Variants in PCDH7 observed in about 807,000 individuals in gnomAD.
The protein encoded by PCDH7 is protocadherin 7, also known as protocadherin-7.
Under a neutral mutation model 58.9 loss-of-function variants are expected in PCDH7, and 17 were observed. That is an observed-to-expected ratio of 0.29 (90% CI 0.20 to 0.43). PCDH7 has a LOEUF of 0.43. Ranked by LOEUF, PCDH7 falls within the 20% of genes least tolerant of loss-of-function variation. The probability of loss-of-function intolerance (pLI) is 1.00; values close to 1 mark genes in which losing one functional copy is unlikely to be tolerated. For synonymous variants in PCDH7, 664 were observed against 616.4 expected, an observed-to-expected ratio of 1.08 and a Z score of -1.14; for missense variants, 1,274 against 1,441.0, an observed-to-expected ratio of 0.88 and a Z score of 1.88.
At chr4:30,752,813 G>GA (rs1229976505) in intron 1 of PCDH7, among the ~76,000 whole-genome samples, 6 of 132,280 alleles carry the variant, frequency 4.5e-5, no homozygotes, top group Admixed American at 4.5e-4. Flanking sequence ...GAAAGAAAAA[G>GA]AAAAAAAAGA....
At chr4:30,877,029 C>G (rs1736376052) in intron 1 of PCDH7, among the ~76,000 whole-genome samples, 1 of 151,990 alleles carries the variant, frequency 6.6e-6, no homozygotes, top group African/African-American at 2.4e-5. Flanking sequence ...TTAATGCTTT[C>G]TTGTTTTCAA....
intron 1 of PCDH7, among the ~76,000 whole-genome samples, chr4:30,919,546 A>C (rs1742917052): frequency 6.6e-6 from 1 of 152,194 alleles, no homozygotes; most frequent in African/African-American, 2.4e-5. Flanking sequence ...GGATACTTTT[A>C]TCTATTATTG....
chr4:30,819,051 G>A (rs1728032769), intron 1 of PCDH7, among the ~76,000 whole-genome samples: 1 of 152,150 alleles, frequency 6.6e-6, no homozygotes, highest in Non-Finnish European at 1.5e-5. Flanking sequence ...TGAGACAGAG[G>A]TGGCTGACCT....
intron 3 of PCDH7, among the ~76,000 whole-genome samples, chr4:30,967,093 G>A (rs1260292463): frequency 6.6e-6 from 1 of 151,894 alleles, no homozygotes; most frequent in Non-Finnish European, 1.5e-5. Flanking sequence ...TATTTAAAGT[G>A]AAAATAATTT....
intron 3 of PCDH7, among the ~76,000 whole-genome samples, chr4:30,976,214 C>T (rs1003819399): frequency 6.6e-6 from 1 of 151,956 alleles, no homozygotes; most frequent in Admixed American, 6.6e-5. Context: ...AGTGCAATGG[C>T]GTGATCTCGG....
chr4:31,013,208 G>A (rs1339186235), intron 3 of PCDH7, among the ~76,000 whole-genome samples: 1 of 149,962 alleles, frequency 6.7e-6, no homozygotes, highest in African/African-American at 2.4e-5. Flanking sequence ...AAAAAGAGTG[G>A]AAACATTAAA....
chr4:30,861,167 A>C (rs1381915998), intron 1 of PCDH7, among the ~76,000 whole-genome samples: 1 of 152,060 alleles, frequency 6.6e-6, no homozygotes, highest in Non-Finnish European at 1.5e-5. Context: ...TATACACTAG[A>C]AGTACTGTTC....
At chr4:30,788,049 T>G (rs536852627) in intron 1 of PCDH7, among the ~76,000 whole-genome samples, 1 of 152,208 alleles carries the variant, frequency 6.6e-6, no homozygotes, top group South Asian at 2.1e-4. Flanking sequence ...GAAATTAGTC[T>G]GCAGACACTT....
chr4:31,003,240 C>T (rs1394133401), intron 3 of PCDH7, among the ~76,000 whole-genome samples: 2 of 152,088 alleles, frequency 1.3e-5, no homozygotes, highest in Non-Finnish European at 2.9e-5. Context: ...ATTCCATATT[C>T]ATTGTCATTA....
At chr4:30,759,998 C>T (rs182406026) in intron 1 of PCDH7, among the ~76,000 whole-genome samples, 2 of 152,206 alleles carry the variant, frequency 1.3e-5, no homozygotes, top group East Asian at 3.9e-4. Flanking sequence ...AATAGTGGCA[C>T]CTCCTCTCTA....
At chr4:30,846,373 C>T (rs752087929) in intron 1 of PCDH7, among the ~76,000 whole-genome samples, 2 of 152,102 alleles carry the variant, frequency 1.3e-5, no homozygotes, top group Admixed American at 6.6e-5. Context: ...CTTGCTCCCC[C>T]TCTCTTGTAC....
intron 3 of PCDH7, among the ~76,000 whole-genome samples, chr4:30,965,645 A>G (rs1295618348): frequency 2.0e-5 from 3 of 152,094 alleles, no homozygotes; most frequent in Admixed American, 2.0e-4. Context: ...CTTCCAGTGC[A>G]AATTAGGTTT....
At chr4:31,031,387 T>C (rs549419936) in intron 3 of PCDH7, among the ~76,000 whole-genome samples, 1 of 152,270 alleles carries the variant, frequency 6.6e-6, no homozygotes, top group East Asian at 1.9e-4. Flanking sequence ...ATACTGTCGA[T>C]CTTGGAATAA....
chr4:30,799,045 C>T (rs765217134), intron 1 of PCDH7, among the ~76,000 whole-genome samples: 1 of 152,130 alleles, frequency 6.6e-6, no homozygotes, highest in Non-Finnish European at 1.5e-5. Flanking sequence ...ACACTTCTGG[C>T]AGTTCTGTGA....
intron 1 of PCDH7, among the ~76,000 whole-genome samples, chr4:30,779,855 G>T (rs1156602199): frequency 6.6e-6 from 1 of 152,074 alleles, no homozygotes; most frequent in African/African-American, 2.4e-5. Context: ...TGCAATTTTA[G>T]TGTCATTTAA....
At chr4:30,853,600 A>T (rs1389176054) in intron 1 of PCDH7, among the ~76,000 whole-genome samples, 1 of 152,134 alleles carries the variant, frequency 6.6e-6, no homozygotes, top group Non-Finnish European at 1.5e-5. Flanking sequence ...ATGTTAGGGT[A>T]TCACTAAGAG....
intron 1 of PCDH7, among the ~76,000 whole-genome samples, chr4:30,838,313 C>T (rs1056367324): frequency 2.6e-5 from 4 of 151,920 alleles, no homozygotes; most frequent in African/African-American, 9.7e-5. Flanking sequence ...ATTTGATATA[C>T]ATTTTTTTTT....
intron 3 of PCDH7, among the ~76,000 whole-genome samples, chr4:31,135,798 A>G (rs751458346): frequency 3.9e-5 from 6 of 152,220 alleles, no homozygotes; most frequent in Non-Finnish European, 8.8e-5. Flanking sequence ...ATAGCCTTGC[A>G]TTAATTCATA....
intron 1 of PCDH7, among the ~76,000 whole-genome samples, chr4:30,899,474 G>T (rs140072491): frequency 1.2e-4 from 18 of 152,224 alleles, no homozygotes; most frequent in African/African-American, 4.1e-4. Flanking sequence ...CTCCTGTAAG[G>T]CTAATCTTAT....
Sources: gnomAD v4.1 joint callset for allele counts (sites outside exome capture counted in the v4.1 genomes callset) on GRCh38, gnomAD v4.1.1 for gene constraint, MANE v1.5 for transcripts, NCBI Gene and HGNC (gene_info 2026-07-23, HGNC 2026-07-21) for gene names.